HPD: variants seen among roughly 807,000 people sequenced by gnomAD.
The protein encoded by HPD is 4-hydroxyphenylpyruvic acid oxidase.
Under a neutral mutation model 56.9 loss-of-function variants are expected in HPD, and 35 were observed. The observed-to-expected ratio is 0.62, with a 90% confidence interval of 0.47 to 0.82. The LOEUF (loss-of-function observed/expected upper bound fraction) is 0.82, where lower values mean the gene tolerates loss of function less well. HPD is among the 40% of genes least tolerant of loss of function. The pLI is 0.00. For missense variants in HPD, 442 were observed against 506.8 expected, an observed-to-expected ratio of 0.87 and a Z score of 1.23; for synonymous variants, 186 against 200.2, an observed-to-expected ratio of 0.93 and a Z score of 0.60.
intron 11 of HPD, among the ~76,000 whole-genome samples, chr12:121,845,566 A>C (rs1387979472): frequency 1.4e-4 from 20 of 143,710 alleles, no homozygotes; most frequent in African/African-American, 3.9e-4. Flanking sequence ...GCGCCACTGC[A>C]CTCCAGCCTG....
intron 11 of HPD, among the ~76,000 whole-genome samples, chr12:121,845,708 C>T (rs560722595): frequency 6.6e-6 from 1 of 152,146 alleles, no homozygotes; most frequent in Admixed American, 6.5e-5. Flanking sequence ...AGTGTCTGAC[C>T]CCCCAATTTA....
In HPD at chr12:121,857,424, T is replaced by C. The variant is rs750477683; in HGVS notation, c.102A>G (p.Ser34=). Residue 34 remains serine, a synonymous_variant, in exon 4 of 14, where the codon TCA becomes TCG. Coordinates refer to ENST00000289004, the MANE Select transcript of HPD (RefSeq NM_002150.3). The part of the protein sequence containing the change: ...FWVGNAKQAT[S]FYCSKMGFEP... ...CAAAGCCCATCTTGCTGCAGTAGAA[T>C]GACGTGGCCTGAATCACAGGGTTGC... is the stretch of plus-strand genomic sequence containing the variant. 5 of 1,610,996 alleles carry C rather than the reference T, an allele frequency of 3.1e-6. No homozygotes were observed. In the African/African-American group the frequency reaches 6.7e-5, roughly 22 times the overall value.
At chr12:121,873,643 C>A in the HPD span, among the ~76,000 whole-genome samples, 11 of 151,800 alleles carry the variant, frequency 7.2e-5, no homozygotes, top group African/African-American at 2.7e-4. Context: ...ACCATGAAAC[C>A]CCATCTCTAC....
upstream of HPD, among the ~76,000 whole-genome samples, chr12:121,865,826 C>T (rs1878312077): frequency 6.6e-6 from 1 of 150,944 alleles, no homozygotes; most frequent in Non-Finnish European, 1.5e-5. Flanking sequence ...CCCATCTCTA[C>T]TAAAAAAATA....
chr12:121,875,652 T>C, the HPD span, among the ~76,000 whole-genome samples: 1 of 152,054 alleles, frequency 6.6e-6, no homozygotes, highest in Non-Finnish European at 1.5e-5. Flanking sequence ...TGGCAAACTC[T>C]TGGGCTCAAG....
At chr12:121,858,447 G>A (rs1283839358) in intron 2 of HPD, among the ~76,000 whole-genome samples, 1 of 152,072 alleles carries the variant, frequency 6.6e-6, no homozygotes, top group Non-Finnish European at 1.5e-5. Flanking sequence ...GCCTCCCAAA[G>A]CACTGGGATT....
Position 121,849,731 on chromosome 12 carries a change from A to C in HPD, c.474T>G (p.Pro158=), listed in dbSNP as rs370405121. 1.2e-4 allele frequency: 195 copies of C among 1,613,914 alleles called. No homozygotes were observed. The highest frequency in any genetic ancestry group is 1.6e-4 in the Non-Finnish European group (189 of 1,179,940). The stretch of plus-strand genomic sequence containing the variant: ...CCATGAACGCTGGGGCCTCATATCC[A>C]GGCAAGAATTGGCCGATGTAGTTCA... The part of the protein sequence containing the change: ...EKMNYIGQFL[P]GYEAPAFMDP... The change falls in exon 8 of 14, where the codon CCT becomes CCG. Residue 158 remains proline, a synonymous_variant. Transcript: ENST00000289004.
the HPD span, among the ~76,000 whole-genome samples, chr12:121,883,682 CTTTTTT>C: frequency 4.3e-5 from 6 of 138,754 alleles, no homozygotes; most frequent in African/African-American, 7.9e-5. Context: ...TTCCTTCTTT[CTTTTTT>C]TTTTTTTTTT....
At chr12:121,883,939 A>G in the HPD span, among the ~76,000 whole-genome samples, 2 of 152,148 alleles carry the variant, frequency 1.3e-5, no homozygotes, top group Admixed American at 6.6e-5. Context: ...ATGACGCTAC[A>G]CATCTAAATA....
upstream of HPD, among the ~76,000 whole-genome samples, chr12:121,868,035 G>A (rs1020594293): frequency 6.6e-6 from 1 of 152,098 alleles, no homozygotes; most frequent in African/African-American, 2.4e-5. Context: ...GTTTAATACT[G>A]CTCATTGGCC....
At chr12:121,853,682 G>T (rs1386298924) in intron 7 of HPD, among the ~76,000 whole-genome samples, 1 of 143,812 alleles carries the variant, frequency 7.0e-6, no homozygotes, top group East Asian at 2.2e-4. Flanking sequence ...GGTGGCTCAC[G>T]CCTGTAATCC....
chr12:121,853,417 A>G (rs1394018957), intron 7 of HPD, among the ~76,000 whole-genome samples: 1 of 149,722 alleles, frequency 6.7e-6, no homozygotes, highest in Non-Finnish European at 1.5e-5. Context: ...TCACAAGGTC[A>G]GGAGATCGAG....
At chr12:121,855,729 A>ACAC (rs915470646) in intron 6 of HPD, among the ~76,000 whole-genome samples, 63 of 150,376 alleles carry the variant, frequency 4.2e-4, no homozygotes, top group Non-Finnish European at 5.2e-4. Flanking sequence ...ACACACACAC[A>ACAC]AAAGAAAGAA....
chr12:121,872,100 C>T, the HPD span, among the ~76,000 whole-genome samples: 7 of 148,792 alleles, frequency 4.7e-5, no homozygotes, highest in Admixed American at 3.3e-4. Context: ...ATTAGCTGGG[C>T]GTGGTGGTGG....
At chr12:121,848,933 G>C in intron 9 of HPD, 66 bp downstream of exon 9, 1 of 1,148,596 alleles carries the variant, frequency 8.7e-7, no homozygotes, top group Non-Finnish European at 1.3e-6. Flanking sequence ...GCAAGGACCA[G>C]GGAGTGGGCC....
At chr12:121,854,643 G>T in intron 7 of HPD, 60 bp downstream of exon 7, 2 of 1,162,210 alleles carry the variant, frequency 1.7e-6, no homozygotes, top group Non-Finnish European at 1.3e-6. Context: ...CAGCTGCGGG[G>T]CTCCTGGCAT....
At chr12:121,868,468 C>G (rs1311443234), upstream of HPD, among the ~76,000 whole-genome samples, 1 of 151,256 alleles carries the variant, frequency 6.6e-6, no homozygotes, top group African/African-American at 2.4e-5. Flanking sequence ...GCTGGGGTTA[C>G]AGGTGTGAGT....
chr12:121,863,392 C>T (rs557236951), upstream of HPD: 3 of 152,382 alleles, frequency 2.0e-5, no homozygotes, highest in South Asian at 6.2e-4. Context: ...CGCACTCCTT[C>T]AGACTGGACT....
the HPD span, among the ~76,000 whole-genome samples, chr12:121,869,607 C>T: frequency 4.9e-4 from 74 of 149,884 alleles, no homozygotes; most frequent in African/African-American, 1.7e-3. Context: ...CCACTGCAAC[C>T]TCTGCCTCCT....
Sources: allele counts gnomAD v4.1 joint callset (sites outside exome capture counted in the v4.1 genomes callset), GRCh38; gene constraint gnomAD v4.1.1; transcripts MANE v1.5; gene names NCBI Gene and HGNC (gene_info 2026-07-23, HGNC 2026-07-21).